DIAPH2: variants seen among roughly 807,000 people sequenced by gnomAD.
The protein encoded by DIAPH2 is protein diaphanous homolog 2.
DIAPH2 carries 35 observed loss-of-function variants against 92.7 expected under a neutral mutation model. The observed-to-expected ratio is 0.38, with a 90% CI of 0.29 to 0.50. DIAPH2 has a LOEUF of 0.50. DIAPH2 is among the 20% of genes least tolerant of loss of function. The probability of loss-of-function intolerance (pLI) is 0.94; values close to 1 mark genes in which losing one functional copy is unlikely to be tolerated. For missense variants in DIAPH2, 701 were observed against 819.5 expected, an observed-to-expected ratio of 0.86 and a Z score of 1.77; for synonymous variants, 301 against 280.4, an observed-to-expected ratio of 1.07 and a Z score of -0.73.
intron 23 of DIAPH2, among the ~76,000 whole-genome samples, chrX:97,344,027 G>A (rs1368236095): frequency 9.0e-6 from 1 of 111,394 alleles, no homozygotes; most frequent in Non-Finnish European, 1.9e-5. Flanking sequence ...TTTTTGAAAA[G>A]GTTGTTATAA....
At chrX:97,080,965 G>A (rs773888163) in intron 19 of DIAPH2, among the ~76,000 whole-genome samples, 1 of 111,809 alleles carries the variant, frequency 8.9e-6, no homozygotes, top group Non-Finnish European at 1.9e-5. Context: ...TGCACTTTAC[G>A]AGGGTTGATG....
chrX:97,045,277 C>T (rs1366397038), intron 17 of DIAPH2, among the ~76,000 whole-genome samples: 1 of 111,609 alleles, frequency 9.0e-6, no homozygotes, highest in Non-Finnish European at 1.9e-5. Context: ...GGTCAGGGGT[C>T]AAGAATAGAG....
chrX:97,138,732 A>T (rs753072612), intron 21 of DIAPH2, among the ~76,000 whole-genome samples: 2 of 111,810 alleles, frequency 1.8e-5, no homozygotes, highest in East Asian at 5.6e-4. Flanking sequence ...TATATAAAAG[A>T]AGATTGTAGA....
chrX:96,863,034 C>T (rs969041931), intron 4 of DIAPH2, among the ~76,000 whole-genome samples: 5 of 110,272 alleles, frequency 4.5e-5, no homozygotes, highest in Admixed American at 2.0e-4. Context: ...TATTCTTTCA[C>T]CTCCACTTCC....
intron 26 of DIAPH2, among the ~76,000 whole-genome samples, chrX:97,499,520 T>C (rs1312976233): frequency 8.9e-6 from 1 of 111,929 alleles, no homozygotes; most frequent in Non-Finnish European, 1.9e-5. Flanking sequence ...ATAGTGACCA[T>C]TGTACTTAAT....
chrX:97,209,687 C>T (rs999965487), intron 22 of DIAPH2, among the ~76,000 whole-genome samples: 7 of 110,596 alleles, frequency 6.3e-5, no homozygotes, highest in Admixed American at 9.7e-5. Flanking sequence ...AGAATTATAA[C>T]TATGACTTGA....
intron 21 of DIAPH2, among the ~76,000 whole-genome samples, chrX:97,132,550 GAACTT>G (rs1423342205): frequency 8.9e-6 from 1 of 111,920 alleles, no homozygotes; most frequent in Non-Finnish European, 1.9e-5. Context: ...AGAGGGCACA[GAACTT>G]AATTTTGTTT....
intron 24 of DIAPH2, among the ~76,000 whole-genome samples, chrX:97,350,224 C>T (rs1238522804): frequency 5.4e-5 from 6 of 110,405 alleles, no homozygotes; most frequent in Admixed American, 1.9e-4. Flanking sequence ...GCAGGAGAAT[C>T]GCTTGAATCT....
intron 23 of DIAPH2, among the ~76,000 whole-genome samples, chrX:97,254,702 AT>A (rs2068221502): frequency 9.4e-6 from 1 of 105,840 alleles, no homozygotes; most frequent in Non-Finnish European, 1.9e-5. Flanking sequence ...TATTTTATTT[AT>A]TTTATTTTAT....
chrX:97,411,425 C>G (rs1056280246), intron 25 of DIAPH2, among the ~76,000 whole-genome samples: 3 of 112,137 alleles, frequency 2.7e-5, no homozygotes, highest in African/African-American at 9.7e-5. Flanking sequence ...AAAGGAACAA[C>G]TGGTACCAGC....
At chrX:96,961,881 A>G (rs926619207) in intron 16 of DIAPH2, among the ~76,000 whole-genome samples, 5 of 110,091 alleles carry the variant, frequency 4.5e-5, no homozygotes, top group Non-Finnish European at 9.5e-5. Flanking sequence ...TGGTCTGAGA[A>G]GATACTCGAT....
At chrX:96,985,474 AAC>A (rs761502462) in intron 17 of DIAPH2, among the ~76,000 whole-genome samples, 62 of 110,690 alleles carry the variant, frequency 5.6e-4, no homozygotes, top group African/African-American at 1.9e-3. Flanking sequence ...GTTTGTACCA[AAC>A]ACAAACATTT....
intron 4 of DIAPH2, among the ~76,000 whole-genome samples, chrX:96,846,493 A>C (rs2064973294): frequency 8.9e-6 from 1 of 112,219 alleles, no homozygotes; most frequent in South Asian, 3.7e-4. Flanking sequence ...TATAATTATG[A>C]AACCTGCAAT....
intron 17 of DIAPH2, among the ~76,000 whole-genome samples, chrX:96,969,130 T>C (rs1287959218): frequency 1.8e-5 from 2 of 112,399 alleles, no homozygotes; most frequent in Non-Finnish European, 3.8e-5. Flanking sequence ...TACGGTAGCC[T>C]TGTAATATAG....
rs2071584511 is a variant in DIAPH2 at position 97,600,210 on chromosome X, G to A, written c.*893G>A. On this transcript the variant is annotated 3_prime_UTR_variant, in exon 27 of 27. Coordinates refer to ENST00000324765, the MANE Select transcript of DIAPH2 (RefSeq NM_006729.5). ...GCAAATATTGATTCCTATGCTCTGT[G>A]GTTTATTTCTTTTTTCTATTGCTTC... The A allele has an allele frequency of 1.8e-5, 2 of 111,916 alleles. No individual in the cohort carries two copies. Among genetic ancestry groups the A allele is most frequent in the Admixed American group, 1.9e-4 (2 of 10,491 alleles). The allele number at this position is 111,916 out of a possible 1,213,427, so 9.2% of individuals were successfully genotyped here. A position where few individuals can be genotyped will look rare whatever the true frequency, so the allele number is the denominator to read the frequency against.
intron 25 of DIAPH2, among the ~76,000 whole-genome samples, chrX:97,398,529 G>T (rs1315611414): frequency 9.1e-6 from 1 of 110,469 alleles, no homozygotes; most frequent in Non-Finnish European, 1.9e-5. Flanking sequence ...CTCAAGGGTG[G>T]AAGTGGGGGT....
In DIAPH2 at chrX:96,760,922, T is replaced by TTATC. The variant is rs955741367; in HGVS notation, c.447+2665_447+2668dup. 7.2e-5 allele frequency among the ~76,000 whole-genome samples: 8 copies of TTATC among 111,530 alleles called. No individual in the cohort carries two copies. In the Admixed American group the frequency reaches 7.6e-4, roughly 11 times the overall value. ...TGGAGAAGAACCTTCTTTCTGCATT[T>TTATC]TATCCTCCATTGTTCATTGTAGGAA... On this transcript the variant is annotated intron_variant, in intron 4 of 26. Transcript: ENST00000324765.
chrX:97,468,092 A>G (rs181593593), intron 26 of DIAPH2, among the ~76,000 whole-genome samples: 2 of 111,954 alleles, frequency 1.8e-5, no homozygotes, highest in East Asian at 2.8e-4. Context: ...TAAAAAACAA[A>G]CAGAAGTAAA....
chrX:97,503,889 T>C (rs770644833), intron 26 of DIAPH2, among the ~76,000 whole-genome samples: 1 of 111,972 alleles, frequency 8.9e-6, no homozygotes, highest in South Asian at 3.7e-4. Flanking sequence ...AGGTCTAATT[T>C]TATGCATTCA....
Sources: gnomAD v4.1 joint callset for allele counts (sites outside exome capture counted in the v4.1 genomes callset) on GRCh38, gnomAD v4.1.1 for gene constraint, MANE v1.5 for transcripts, NCBI Gene and HGNC (gene_info 2026-07-23, HGNC 2026-07-21) for gene names.